The following UPP2 variants were observed in gnomAD, a reference collection of about 807,000 sequenced individuals.
UPP2 encodes UPase 2.
Under a neutral mutation model 26.7 loss-of-function variants are expected in UPP2, and 23 were observed. The observed-to-expected ratio is 0.86, with a 90% confidence interval of 0.62 to 1.22. The LOEUF (loss-of-function observed/expected upper bound fraction) is 1.22. UPP2 is among the 50% of genes most tolerant of loss of function. UPP2 has a pLI of 0.00. For synonymous variants in UPP2, 127 were observed against 141.3 expected (o/e 0.90, Z 0.72); for missense variants, 387 against 396.7 (o/e 0.98, Z 0.21).
chr2:158,040,553 T>G (rs1440295686), intron 3 of UPP2, among the ~76,000 whole-genome samples: 3 of 152,222 alleles, frequency 2.0e-5, no homozygotes, highest in Non-Finnish European at 2.9e-5. Flanking sequence ...ATTGCTGTGG[T>G]ACTTTTGGCA....
Position 158,083,865 on chromosome 2 carries a change from T to TATATATATA in UPP2, c.148-18175_148-18174insATATATATA, listed in dbSNP as rs1553467788. Reference sequence around the variant, plus strand: ...TTATGTCTGTTTATATATATATGTTTTTTATATATATATATATATCTCACA... The same window carrying TATATATATA: ...TTATGTCTGTTTATATATATATGTTTATATATATATTTATATATATATATATATCTCACA... On this transcript the variant is annotated intron_variant, in intron 3 of 9. Coordinates refer to the UPP2 transcript ENST00000605860. 6.8e-3 allele frequency among the ~76,000 whole-genome samples: 809 copies of TATATATATA among 118,708 alleles called. 20 individuals carry two copies. Among genetic ancestry groups the TATATATATA allele is most frequent in the African/African-American group, 0.025 (765 of 31,198 alleles). 77.9% of individuals were successfully genotyped at this position (118,708 alleles called of 152,430 possible). A position where few individuals can be genotyped will look rare whatever the true frequency, so the allele number is the denominator to read the frequency against.
At chr2:158,103,910 G>C (rs1317163850) in intron 1 of UPP2, among the ~76,000 whole-genome samples, 1 of 152,148 alleles carries the variant, frequency 6.6e-6, no homozygotes, top group African/African-American at 2.4e-5. Flanking sequence ...AGATTTTGAA[G>C]CTTGTTCTGT....
intron 3 of UPP2, among the ~76,000 whole-genome samples, chr2:158,018,486 T>A (rs1169589780): frequency 6.6e-6 from 1 of 152,154 alleles, no homozygotes; most frequent in African/African-American, 2.4e-5. Flanking sequence ...TCAGCTCCCA[T>A]CCTTCTTCTA....
At chr2:158,117,756 G>T in intron 3 of UPP2, 68 bp from the exon 4 acceptor site, 6 of 1,212,576 alleles carry the variant, frequency 4.9e-6, no homozygotes, top group Non-Finnish European at 7.3e-6. Flanking sequence ...TGTAATGATG[G>T]AAGAAATTAT....
intron 3 of UPP2, among the ~76,000 whole-genome samples, chr2:158,071,748 G>C (rs1413072371): frequency 6.6e-6 from 1 of 151,968 alleles, no homozygotes; most frequent in East Asian, 1.9e-4. Context: ...CCACTGCCTT[G>C]AGAAGAACCA....
At chr2:158,110,282 G>T (rs1242095582) in intron 2 of UPP2, among the ~76,000 whole-genome samples, 2 of 152,102 alleles carry the variant, frequency 1.3e-5, no homozygotes, top group Non-Finnish European at 2.9e-5. Flanking sequence ...GTGATAGTTT[G>T]CTGAGAATGA....
chr2:158,076,473 T>A (rs1047266314), intron 3 of UPP2, among the ~76,000 whole-genome samples: 2 of 152,018 alleles, frequency 1.3e-5, no homozygotes, highest in South Asian at 4.1e-4. Flanking sequence ...CTGTTCATCA[T>A]GACCAAGTGG....
intron 1 of UPP2, among the ~76,000 whole-genome samples, chr2:158,103,083 A>G (rs1006940720): frequency 6.6e-6 from 1 of 152,210 alleles, no homozygotes; most frequent in African/African-American, 2.4e-5. Flanking sequence ...AAAATTATAT[A>G]TTTTGGAAAA....
At chr2:158,112,785 A>C (rs1354908665) in intron 2 of UPP2, among the ~76,000 whole-genome samples, 1 of 152,238 alleles carries the variant, frequency 6.6e-6, no homozygotes, top group Admixed American at 6.5e-5. Context: ...GACCAGATTA[A>C]TACAACATGG....
At chr2:158,015,830 A>G (rs1488378836) in exon 3 of UPP2, 1 of 453,440 alleles carries the variant, frequency 2.2e-6, no homozygotes. Context: ...AACTTCCACC[A>G]TGATTGTAAG....
intron 3 of UPP2, among the ~76,000 whole-genome samples, chr2:158,028,320 T>A (rs947800828): frequency 2.6e-5 from 4 of 152,150 alleles, no homozygotes; most frequent in African/African-American, 9.7e-5. Context: ...ATCATCTCTC[T>A]CAAGTTCAAA....
At chr2:158,002,458 C>T (rs537252847) in intron 2 of UPP2, among the ~76,000 whole-genome samples, 2 of 152,282 alleles carry the variant, frequency 1.3e-5, no homozygotes, top group African/African-American at 4.8e-5. Flanking sequence ...TTTTCCTTTC[C>T]GAAACACCTT....
At chr2:158,098,365 G>A (rs113284483), upstream of UPP2, among the ~76,000 whole-genome samples, 956 of 152,236 alleles carry the variant, frequency 6.3e-3, 8 homozygotes, top group African/African-American at 0.018. Flanking sequence ...CCTAAGAAAG[G>A]TTGTGATTCT....
chr2:158,052,733 C>T (rs1682180339), intron 3 of UPP2, among the ~76,000 whole-genome samples: 1 of 152,126 alleles, frequency 6.6e-6, no homozygotes, highest in Non-Finnish European at 1.5e-5. Context: ...CTGTCGTCAT[C>T]ATCATCTTCA....
At chr2:158,016,250 A>G (rs995097301) in intron 3 of UPP2, among the ~76,000 whole-genome samples, 3 of 152,078 alleles carry the variant, frequency 2.0e-5, no homozygotes, top group Admixed American at 2.0e-4. Flanking sequence ...TTTATTGAAT[A>G]CTTTATAGGG....
Position 158,016,049 on chromosome 2 carries a change from G to T in UPP2, c.147+163G>T, listed in dbSNP as rs1683653107. ...GAGAACCACCACACTATTTTCCATGGCAGTAGCCCCATTTTGTAATGCCAC... is the reference window on the plus strand; with the variant it reads ...GAGAACCACCACACTATTTTCCATGTCAGTAGCCCCATTTTGTAATGCCAC... On this transcript the variant is annotated intron_variant, in intron 3 of 9. Transcript: ENST00000605860. 2.0e-5 allele frequency among the ~76,000 whole-genome samples: 3 copies of T among 151,358 alleles called. No homozygotes were observed. The South Asian group carries it at 6.3e-4, about 32-fold the overall frequency.
At chr2:158,083,552 T>C (rs908171955) in intron 3 of UPP2, among the ~76,000 whole-genome samples, 6 of 151,258 alleles carry the variant, frequency 4.0e-5, no homozygotes, top group African/African-American at 7.3e-5. Flanking sequence ...CCAGGGCCCG[T>C]TGGGGGATGG....
intron 2 of UPP2, among the ~76,000 whole-genome samples, chr2:158,013,722 G>A (rs1683615043): frequency 6.6e-6 from 1 of 152,174 alleles, no homozygotes; most frequent in African/African-American, 2.4e-5. Context: ...GGAGAAGGGC[G>A]AGGCACCTTT....
rs975045207 is a variant in UPP2 at position 158,075,535 on chromosome 2, A to T, written c.148-26505A>T. 4.6e-5 allele frequency among the ~76,000 whole-genome samples: 7 copies of T among 152,072 alleles called. 1 individual carries two copies. The highest frequency in any genetic ancestry group is 4.1e-4 in the South Asian group (2 of 4,832). On this transcript the variant is annotated intron_variant, in intron 3 of 9. Transcript: ENST00000605860. ...GAACTAGAAATCAATATCAAGTTGA[A>T]TTTTGACAACTGCACAAATACATGG...
Sources: allele counts gnomAD v4.1 joint callset (sites outside exome capture counted in the v4.1 genomes callset), GRCh38; gene constraint gnomAD v4.1.1; transcripts MANE v1.5; gene names NCBI Gene and HGNC (gene_info 2026-07-23, HGNC 2026-07-21).